TOP3A: variants seen among roughly 807,000 people sequenced by gnomAD.
TOP3A encodes DNA topoisomerase 3-alpha.
In TOP3A, 64 loss-of-function variants were observed where a neutral mutation model predicts 111.3. The observed-to-expected ratio is 0.57, with a 90% CI of 0.47 to 0.71. TOP3A has a LOEUF of 0.71. TOP3A is among the 30% of genes least tolerant of loss of function. The probability of loss-of-function intolerance (pLI) is 0.00; values close to 1 mark genes in which losing one functional copy is unlikely to be tolerated. For missense variants in TOP3A, 1,104 were observed against 1,285.0 expected, an observed-to-expected ratio of 0.86 and a Z score of 2.15; for synonymous variants, 484 against 485.1, an observed-to-expected ratio of 1.00 and a Z score of 0.03.
rs528412257 is a variant in TOP3A, at chr17:18,275,536, T to C, written c.2828-556A>G. On this transcript the variant is annotated intron_variant, in intron 18 of 18. Coordinates refer to ENST00000321105, the MANE Select transcript of TOP3A (RefSeq NM_004618.5). ...CACCACGCCCGGCTACTTTATTTTT[T>C]GTATTTTTAGTAGAGACGGGTTTCA... Among the ~76,000 whole-genome samples, 194 of 151,448 alleles carry C rather than the reference T, an allele frequency of 1.3e-3. 1 individual carries two copies. The highest frequency in any genetic ancestry group is 0.01 in the Middle Eastern group (3 of 292).
rs1225014523 is a variant in TOP3A at position 18,302,642 on chromosome 17, G to A, written c.581C>T (p.Thr194Ile). The A allele has an allele frequency of 6.2e-7, 1 of 1,614,188 alleles. No individual in the cohort carries two copies. The highest frequency in any genetic ancestry group is 8.5e-7 in the Non-Finnish European group (1 of 1,180,032). ...ATCGCTCACCCTCTGATCAGGCTCG[G>A]TCAGGTTTTCACAAGCTGTCCTGAC... ...HAVRTACENLTEPDQRVSDAV... is the reference protein window; with the variant it reads ...HAVRTACENLIEPDQRVSDAV... The change falls in exon 6 of 19, where the codon ACC (threonine) becomes ATC (isoleucine). Residue 194 changes from threonine to isoleucine, a missense_variant. By Grantham distance (89) the Thr-to-Ile change is moderately conservative. Coordinates refer to ENST00000321105, the MANE Select transcript of TOP3A (RefSeq NM_004618.5).
At chr17:18,307,115 T>A (rs1448034375) in intron 3 of TOP3A, 149 bp from the exon 4 acceptor site, 3 of 586,108 alleles carry the variant, frequency 5.1e-6, no homozygotes, top group Non-Finnish European at 9.1e-6. Flanking sequence ...ACCCTCTGCA[T>A]GACACACTGT....
rs1217465827 is a variant in TOP3A at position 18,302,624 on chromosome 17, ACC to A, written c.597_598del (p.Arg199SerfsTer21). The A allele has an allele frequency of 6.2e-7, 1 of 1,614,090 alleles. No homozygotes were observed. The highest frequency in any genetic ancestry group is 1.1e-5 in the South Asian group (1 of 91,082). On this transcript the variant is annotated frameshift_variant, in exon 6 of 19. Transcript: ENST00000321105. LOFTEE classifies it high-confidence loss of function. The stretch of plus-strand genomic sequence containing the variant: ...CTGCCTCACATCCACAGCATCGCTC[ACC>A]CTCTGATCAGGCTCGGTCAGGTTTT...
intron 15 of TOP3A, among the ~76,000 whole-genome samples, chr17:18,283,982 C>G (rs1468453727): frequency 6.6e-6 from 1 of 152,024 alleles, no homozygotes; most frequent in East Asian, 1.9e-4. Context: ...TTTGGATGTG[C>G]CCCAAACCCA....
At chr17:18,302,905 TA>T (rs1304856801) in intron 5 of TOP3A, 182 bp from the exon 6 acceptor site, 5 of 644,962 alleles carry the variant, frequency 7.8e-6, no homozygotes, top group Non-Finnish European at 1.3e-5. Context: ...AACATCACCA[TA>T]ACCTTTAAAC....
Position 18,306,986 on chromosome 17 carries a change from A to ACAT in TOP3A, c.315-21_315-20insATG. On this transcript the variant is annotated intron_variant, in intron 3 of 18. Coordinates refer to ENST00000321105, the MANE Select transcript of TOP3A (RefSeq NM_004618.5). ...CTCTGCCTAGAAAAGAAATGAAAAC[A>ACAT]GAGTCCCAACTCAGTACATGACAGA... 6.3e-7 allele frequency: 1 copy of ACAT among 1,591,674 alleles called. No individual in the cohort carries two copies. Among genetic ancestry groups the ACAT allele is most frequent in the Non-Finnish European group, 8.6e-7 (1 of 1,161,018 alleles).
intron 1 of TOP3A, among the ~76,000 whole-genome samples, chr17:18,309,653 A>T (rs1410444556): frequency 6.6e-6 from 1 of 151,960 alleles, no homozygotes. Flanking sequence ...AAAAACAAAA[A>T]ACAAACAAAA....
chr17:18,295,748 C>T (rs12946058), intron 9 of TOP3A, among the ~76,000 whole-genome samples: 46,303 of 149,064 alleles, frequency 0.31, 7,403 homozygotes, highest in African/African-American at 0.35. Flanking sequence ...CGTGAGCCAC[C>T]GCGTCTGGCC....
intron 9 of TOP3A, among the ~76,000 whole-genome samples, chr17:18,299,059 AT>A (rs1981053711): frequency 2.0e-5 from 3 of 151,918 alleles, no homozygotes; most frequent in African/African-American, 4.8e-5. Context: ...ATTAAAAAAA[AT>A]AAAAATAAAA....
At chr17:18,301,112 C>T (rs1430996651) in intron 8 of TOP3A, among the ~76,000 whole-genome samples, 6 of 152,190 alleles carry the variant, frequency 3.9e-5, no homozygotes, top group African/African-American at 1.4e-4. Flanking sequence ...CAGTGGGCTA[C>T]AGCCAAGAAG....
chr17:18,307,180 C>CACAGGT, intron 3 of TOP3A: 1 of 437,286 alleles, frequency 2.3e-6, no homozygotes, highest in Non-Finnish European at 4.1e-6. Flanking sequence ...GGAGCCCTTT[C>CACAGGT]ACAGGTAAAT....
intron 9 of TOP3A, among the ~76,000 whole-genome samples, chr17:18,298,883 C>T (rs2142978914): frequency 6.6e-6 from 1 of 151,832 alleles, no homozygotes; most frequent in Non-Finnish European, 1.5e-5. Context: ...ATCACCACTC[C>T]CTAATCTCAA....
rs199647632 is a variant in TOP3A, at chr17:18,282,757, G to A, written c.1962C>T (p.Pro654=). 1.2e-4 allele frequency: 195 copies of A among 1,614,046 alleles called. No homozygotes were observed. The highest frequency in any genetic ancestry group is 4.9e-4 in the Middle Eastern group (3 of 6,062). ...TGTTGCACTGTGGGCACTTCCTGAT[G>A]GGCTCTGGCATGGCTGGGTAGATAT... is the stretch of plus-strand genomic sequence containing the variant. ...QEDIYPAMPE[P]IRKCPQCNKD... The change falls in exon 16 of 19, where the codon CCC becomes CCT. Residue 654 remains proline (P), a synonymous_variant. Transcript: ENST00000321105.
Position 18,271,615 on chromosome 17 carries a change from C to T in TOP3A, c.*3187G>A. 3 of 278,294 alleles carry T rather than the reference C, an allele frequency of 1.1e-5. No homozygotes were observed. Among genetic ancestry groups the T allele is most frequent in the South Asian group, 8.0e-5 (3 of 37,302 alleles). The allele number at this position is 278,294 out of a possible 1,614,324, so 17.2% of individuals were successfully genotyped here. On this transcript the variant is annotated 3_prime_UTR_variant, in exon 19 of 19. Coordinates refer to ENST00000321105, the MANE Select transcript of TOP3A (RefSeq NM_004618.5). The stretch of plus-strand genomic sequence containing the variant: ...GCCTGGGTCTGTCTGATCTCAGATG[C>T]CTGGCCCAGTCCATGGTGCAGCCCA...
chr17:18,314,737 T>C lies in TOP3A; in HGVS notation c.42A>G (p.Arg14=). The C allele has an allele frequency of 6.3e-7, 1 of 1,579,774 alleles. No individual in the cohort carries two copies. Among genetic ancestry groups the C allele is most frequent in the Non-Finnish European group, 8.6e-7 (1 of 1,163,436 alleles). ...PVARYALRWL[R]RPEDRAFSRA... The stretch of plus-strand genomic sequence containing the variant: ...GGGAAAAGGCACGGTCTTCGGGCCG[T>C]CGCAGCCACCGGAGCGCGTAGCGGG... The change falls in exon 1 of 19, where the codon CGA becomes CGG. Residue 14 remains arginine, a synonymous_variant. Coordinates refer to ENST00000321105, the MANE Select transcript of TOP3A (RefSeq NM_004618.5).
chr17:18,275,516 C>T (rs545424040), intron 18 of TOP3A, among the ~76,000 whole-genome samples: 71 of 150,278 alleles, frequency 4.7e-4, no homozygotes, highest in African/African-American at 1.4e-3. Flanking sequence ...CCCGCCACCA[C>T]GCCCGGCTAC....
chr17:18,279,162 T>A (rs925438346), intron 17 of TOP3A, among the ~76,000 whole-genome samples: 1 of 152,172 alleles, frequency 6.6e-6, no homozygotes, highest in African/African-American at 2.4e-5. Flanking sequence ...ATGTCATTAA[T>A]GTCATTATTA....
rs138330978 is a variant in TOP3A at position 18,275,945 on chromosome 17, G to A, written c.2828-965C>T. Among the ~76,000 whole-genome samples, 99 of 152,292 alleles carry A rather than the reference G, an allele frequency of 6.5e-4. 1 individual carries two copies. The East Asian group carries it at 0.015, about 23-fold the overall frequency. On this transcript the variant is annotated intron_variant, in intron 18 of 18. Transcript: ENST00000321105. Reference sequence around the variant, plus strand: ...GCTGGGATTACAGGCATGAGCCACCGCGCCCGACCGGCTGAATCAGTTTTT... The same window carrying A: ...GCTGGGATTACAGGCATGAGCCACCACGCCCGACCGGCTGAATCAGTTTTT...
intron 10 of TOP3A, 130 bp downstream of exon 10, chr17:18,294,573 C>CTG (rs1980677344): frequency 7.6e-6 from 5 of 653,658 alleles, no homozygotes; most frequent in Non-Finnish European, 1.1e-5. Flanking sequence ...CGTGATCTGC[C>CTG]CGCCTCAGCC....
Sources: gnomAD v4.1 joint callset for allele counts (sites outside exome capture counted in the v4.1 genomes callset) on GRCh38, gnomAD v4.1.1 for gene constraint, MANE v1.5 for transcripts, NCBI Gene and HGNC (gene_info 2026-07-23, HGNC 2026-07-21) for gene names.